The following A2M variants were observed in gnomAD, a reference collection of about 807,000 sequenced individuals.
A2M encodes alpha-2-macroglobulin, also known as C3 and PZP-like alpha-2-macroglobulin domain-containing protein 5.
A2M carries 128 observed loss-of-function variants against 183.9 expected under a neutral mutation model. The ratio of observed to expected loss-of-function variants is 0.70; its 90% CI spans 0.60 to 0.81. The LOEUF is 0.81. Among genes scored for constraint, A2M ranks in the 30% least tolerant of loss-of-function variants. A2M has a pLI of 0.00. For synonymous variants in A2M, 592 were observed against 670.8 expected, an observed-to-expected ratio of 0.88 and a Z score of 1.81; for missense variants, 1,495 against 1,787.6, an observed-to-expected ratio of 0.84 and a Z score of 2.95.
In A2M at chr12:9,101,487, C is replaced by A; in HGVS notation, c.1454G>T (p.Gly485Val). The A allele has an allele frequency of 6.2e-7, 1 of 1,613,874 alleles. No individual in the cohort carries two copies. The highest frequency in any genetic ancestry group is 1.7e-4 in the Middle Eastern group (1 of 6,056). The change falls in exon 12 of 36, where the codon GGC becomes GTC. Residue 485 changes from glycine (G) to valine (V), a missense_variant. Transcript: ENST00000318602. Reference sequence around the variant, plus strand: ...GAGCTTCTTCAGCCCCAGCAGGGTGCCTCCATTCAGAATATAATGTGCCTG... The same window carrying A: ...GAGCTTCTTCAGCCCCAGCAGGGTGACTCCATTCAGAATATAATGTGCCTG... ...TVQAHYILNG[G>V]TLLGLKKLSF...
chr12:9,103,890 C>G (rs1283464559), intron 11 of A2M, among the ~76,000 whole-genome samples: 2 of 152,138 alleles, frequency 1.3e-5, no homozygotes, highest in African/African-American at 4.8e-5. Flanking sequence ...GCAAATAGCT[C>G]TTTGAGACCC....
intron 12 of A2M, 38 bp from the exon 13 acceptor site, chr12:9,101,245 G>C (rs1212740320): frequency 1.3e-6 from 2 of 1,538,730 alleles, no homozygotes; most frequent in Non-Finnish European, 1.8e-6. Flanking sequence ...AAATGTGCCA[G>C]AGAGAACACG....
intron 1 of A2M, among the ~76,000 whole-genome samples, chr12:9,114,489 CCTA>C (rs1192646687): frequency 6.6e-6 from 1 of 151,830 alleles, no homozygotes; most frequent in African/African-American, 2.4e-5. Context: ...GTATAAGATA[CCTA>C]CTATCACTAT....
chr12:9,072,815 C>T lies in A2M; in HGVS notation c.3813G>A (p.Arg1271=). 1 of 1,614,170 alleles carries T rather than the reference C, an allele frequency of 6.2e-7. No homozygotes were observed. The highest frequency in any genetic ancestry group is 8.5e-7 in the Non-Finnish European group (1 of 1,180,026). ...LSKYGAATFT[R]TGKAAQVTIQ... is the part of the protein sequence containing the mutation. ...TAGTCACCTGTGCAGCCTTCCCAGTCCTGGTAAATGTGGCTGCTCCATATT... is the reference window on the plus strand; with the variant it reads ...TAGTCACCTGTGCAGCCTTCCCAGTTCTGGTAAATGTGGCTGCTCCATATT... The change falls in exon 30 of 36, where the codon AGG becomes AGA. Residue 1271 remains arginine (R), a synonymous_variant. Transcript: ENST00000318602.
intron 9 of A2M, 50 bp from the exon 10 acceptor site, chr12:9,106,395 A>G: frequency 1.3e-6 from 2 of 1,484,150 alleles, no homozygotes; most frequent in East Asian, 2.3e-5. Context: ...TGATGTCTCT[A>G]AAATTCTATC....
In A2M at chr12:9,115,748, T is replaced by C. The variant is rs746466550; in HGVS notation, c.86+16A>G. On this transcript the variant is annotated intron_variant, in intron 1 of 35. Transcript: ENST00000318602. ...GACTCTAGGTTCATGCTTCACGCTC[T>C]CTGTGTGGAACTCACGGTTTTCCAG... 6.3e-7 allele frequency: 1 copy of C among 1,599,088 alleles called. No individual in the cohort carries two copies. Among genetic ancestry groups the C allele is most frequent in the East Asian group, 2.2e-5 (1 of 44,796 alleles).
chr12:9,070,220 ATCT>A (rs1948527723), intron 32 of A2M, among the ~76,000 whole-genome samples: 2 of 152,012 alleles, frequency 1.3e-5, no homozygotes, highest in Non-Finnish European at 1.5e-5. Flanking sequence ...CATATCTTTT[ATCT>A]TCTTAGCAAA....
chr12:9,112,701 C>A (rs1295614362), intron 2 of A2M, 165 bp from the exon 3 acceptor site: 1 of 667,630 alleles, frequency 1.5e-6, no homozygotes, highest in Non-Finnish European at 2.5e-6. Flanking sequence ...TGCCATTTTA[C>A]AAATGGGGAG....
At chr12:9,106,467 C>G in intron 9 of A2M, 24 bp downstream of exon 9, 1 of 1,503,682 alleles carries the variant, frequency 6.7e-7, no homozygotes, top group East Asian at 2.3e-5. Flanking sequence ...TGTGTTTTCT[C>G]TTATACCCAT....
intron 1 of A2M, chr12:9,115,196 A>G (rs1241633553): frequency 6.5e-6 from 1 of 153,148 alleles, no homozygotes; most frequent in Non-Finnish European, 1.5e-5. Flanking sequence ...CTCATCACTC[A>G]TCAGCTGGTA....
Position 9,077,687 on chromosome 12 carries a change from C to T in A2M, c.3276+14G>A, listed in dbSNP as rs1189804653. On this transcript the variant is annotated intron_variant, in intron 26 of 35. Transcript: ENST00000318602. The stretch of plus-strand genomic sequence containing the variant: ...CATAATGGACAAATCAAAACTAGCT[C>T]CAGAATGATTCACCTTTATGGCATT... The T allele has an allele frequency of 6.2e-7, 1 of 1,612,712 alleles. No individual in the cohort carries two copies. Among genetic ancestry groups the T allele is most frequent in the East Asian group, 2.2e-5 (1 of 44,868 alleles).
intron 22 of A2M, among the ~76,000 whole-genome samples, chr12:9,083,952 TA>T (rs1297258018): frequency 2.0e-5 from 3 of 152,118 alleles, no homozygotes; most frequent in Non-Finnish European, 4.4e-5. Flanking sequence ...ACATATCACA[TA>T]CAAAGGAATT....
chr12:9,115,921 A>C (rs767507838), upstream of A2M: 1 of 1,296,284 alleles, frequency 7.7e-7, no homozygotes, highest in African/African-American at 1.5e-5. Context: ...TCTGGTCCCA[A>C]ACACTTCCCA....
intron 1 of A2M, chr12:9,115,213 T>G (rs1041475953): frequency 1.3e-5 from 2 of 153,242 alleles, no homozygotes; most frequent in African/African-American, 4.8e-5. Context: ...GGTATTTCCT[T>G]CAGTTCCTCC....
In A2M at chr12:9,109,340, TC is replaced by T. The variant is rs1565603372; in HGVS notation, c.738del (p.Met246IlefsTer19). The T allele has an allele frequency of 1.2e-6, 2 of 1,613,006 alleles. No individual in the cohort carries two copies. The highest frequency in any genetic ancestry group is 1.7e-6 in the Non-Finnish European group (2 of 1,179,176). On this transcript the variant is annotated frameshift_variant, in exon 7 of 36. Transcript: ENST00000318602. LOFTEE classifies it high-confidence loss of function. ...PKIITILEEE[M>X]NVSVCGLYTY... The stretch of plus-strand genomic sequence containing the variant: ...ACTCACAGGCCACACACTGATACAT[TC>T]ATCTCTTCTTCCAAGATGGTGATTA...
intron 15 of A2M, among the ~76,000 whole-genome samples, chr12:9,096,153 G>A (rs760681030): frequency 6.6e-6 from 1 of 151,858 alleles, no homozygotes; most frequent in South Asian, 2.1e-4. Flanking sequence ...ATTTATAGAG[G>A]GTATGGATCA....
At chr12:9,106,960 G>A (rs376542676) in intron 8 of A2M, among the ~76,000 whole-genome samples, 4 of 152,094 alleles carry the variant, frequency 2.6e-5, no homozygotes, top group East Asian at 1.9e-4. Context: ...ATCACATCGC[G>A]GGATTTAGGG....
At position 9,068,852 on chromosome 12, in the gene A2M, A is replaced by G; in HGVS notation, c.4264-10T>C. The G allele has an allele frequency of 1.9e-6, 3 of 1,571,964 alleles. No individual in the cohort carries two copies. The highest frequency in any genetic ancestry group is 2.6e-6 in the Non-Finnish European group (3 of 1,156,464). On this transcript the variant is annotated splice_polypyrimidine_tract_variant and intron_variant, in intron 33 of 35. Coordinates refer to ENST00000318602, the MANE Select transcript of A2M (RefSeq NM_000014.6). ...GTGTCTGATTTGACACCTGGAAAGC[A>G]AAAGTCAATTAAATGACCTTTCAGG... is the stretch of plus-strand genomic sequence containing the variant.
intron 22 of A2M, among the ~76,000 whole-genome samples, chr12:9,086,310 T>C (rs774656376): frequency 2.0e-5 from 3 of 152,156 alleles, no homozygotes; most frequent in Non-Finnish European, 2.9e-5. Context: ...GTAGGATTGC[T>C]TGAACTCAGG....
Sources: allele counts gnomAD v4.1 joint callset (sites outside exome capture counted in the v4.1 genomes callset), GRCh38; gene constraint gnomAD v4.1.1; transcripts MANE v1.5; gene names NCBI Gene and HGNC (gene_info 2026-07-23, HGNC 2026-07-21).